Variants in KLHL14 observed in about 807,000 individuals in gnomAD.
KLHL14 encodes kelch-like protein 14.
In KLHL14, 22 loss-of-function variants were observed where a neutral mutation model predicts 64.3. The ratio of observed to expected loss-of-function variants is 0.34; its 90% CI spans 0.24 to 0.49. The LOEUF (loss-of-function observed/expected upper bound fraction) is 0.49, where lower values mean the gene tolerates loss of function less well. KLHL14 is among the 20% of genes least tolerant of loss of function. The pLI, the probability that KLHL14 is intolerant of heterozygous loss-of-function variation, is 0.99. For missense variants in KLHL14, 661 were observed against 789.0 expected (o/e 0.84, Z 1.94); for synonymous variants, 322 against 333.4 (o/e 0.97, Z 0.37).
At chr18:32,708,210 A>G (rs980790381) in intron 3 of KLHL14, among the ~76,000 whole-genome samples, 3 of 152,280 alleles carry the variant, frequency 2.0e-5, no homozygotes, top group Non-Finnish European at 2.9e-5. Flanking sequence ...CATGGCTCCA[A>G]TTTCCTCTGG....
chr18:32,688,647 T>C (rs1423338899), intron 4 of KLHL14, among the ~76,000 whole-genome samples: 2 of 152,124 alleles, frequency 1.3e-5, no homozygotes, highest in East Asian at 3.9e-4. Context: ...ACAGCAAGAA[T>C]GCTAGGGTAA....
At chr18:32,709,308 T>A (rs1483568835) in intron 3 of KLHL14, among the ~76,000 whole-genome samples, 1 of 152,192 alleles carries the variant, frequency 6.6e-6, no homozygotes, top group Non-Finnish European at 1.5e-5. Context: ...TTGAATATTC[T>A]CATGGTTCAC....
chr18:32,679,671 C>T (rs559086162), intron 7 of KLHL14, among the ~76,000 whole-genome samples: 2 of 152,150 alleles, frequency 1.3e-5, no homozygotes, highest in Admixed American at 1.3e-4. Context: ...ATTTGATAAT[C>T]ATAAGTGGCT....
At chr18:32,705,095 G>A (rs1230617707) in intron 3 of KLHL14, among the ~76,000 whole-genome samples, 1 of 152,206 alleles carries the variant, frequency 6.6e-6, no homozygotes, top group Non-Finnish European at 1.5e-5. Context: ...CACCTACTAA[G>A]TGCCAGGCCT....
intron 5 of KLHL14, among the ~76,000 whole-genome samples, chr18:32,684,838 T>A (rs959756508): frequency 1.3e-5 from 2 of 152,148 alleles, no homozygotes; most frequent in African/African-American, 4.8e-5. Context: ...TCTACACTGG[T>A]AACTGATTGT....
chr18:32,680,445 C>T lies in KLHL14; in HGVS notation c.1393G>A (p.Ala465Thr). The change falls in exon 6 of 9, where the codon GCG becomes ACG. Residue 465 changes from alanine (A) to threonine (T), a missense_variant. Coordinates refer to ENST00000359358, the MANE Select transcript of KLHL14 (RefSeq NM_020805.3). The surrounding 1 kb of genome is among the most constrained non-coding windows in gnomAD (Gnocchi z 4.8). ...ATTTTCCCATTGTGCACTGCTCCCGCATGAGCCGCCAGAGGCTGTGGCAAA... is the reference window on the plus strand; with the variant it reads ...ATTTTCCCATTGTGCACTGCTCCCGTATGAGCCGCCAGAGGCTGTGGCAAA... ...SSLPQPLAAH[A>T]GAVHNGKIYI... is the part of the protein sequence containing the mutation. The T allele has an allele frequency of 1.2e-6, 2 of 1,614,032 alleles. No homozygotes were observed. The highest frequency in any genetic ancestry group is 1.7e-6 in the Non-Finnish European group (2 of 1,179,912).
chr18:32,736,678 A>G (rs1458102220), intron 3 of KLHL14, among the ~76,000 whole-genome samples: 3 of 152,094 alleles, frequency 2.0e-5, no homozygotes, highest in Admixed American at 2.0e-4. Flanking sequence ...AGATTTTCCT[A>G]TAGATACACA....
chr18:32,693,413 C>G (rs28661063), intron 4 of KLHL14, among the ~76,000 whole-genome samples: 8,714 of 96,424 alleles, frequency 0.09, 485 homozygotes, highest in Middle Eastern at 0.13. Flanking sequence ...CACACACACA[C>G]AGAGAGAGAG....
chr18:32,726,961 G>A (rs9951538), intron 3 of KLHL14, among the ~76,000 whole-genome samples: 36,685 of 152,060 alleles, frequency 0.24, 4,632 homozygotes, highest in Middle Eastern at 0.32. Flanking sequence ...ATGGACTTCC[G>A]TTATCCACAG....
intron 3 of KLHL14, among the ~76,000 whole-genome samples, chr18:32,736,268 A>C (rs2050165588): frequency 6.6e-6 from 1 of 152,178 alleles, no homozygotes; most frequent in South Asian, 2.1e-4. Context: ...CCACTAATGC[A>C]CTGGTGCATG....
intron 7 of KLHL14, among the ~76,000 whole-genome samples, chr18:32,677,752 C>G (rs1232485948): frequency 1.3e-5 from 2 of 152,156 alleles, no homozygotes; most frequent in African/African-American, 4.8e-5. Context: ...GAGATAGTCC[C>G]TGTCCTCACT....
At chr18:32,772,108 G>GCCCGCCGC (rs2050391420) in intron 1 of KLHL14, 1 of 236,544 alleles carries the variant, frequency 4.2e-6, no homozygotes, top group African/African-American at 2.4e-5. Context: ...CGGCCCGCCG[G>GCCCGCCGC]CCCGCCGGCC....
chr18:32,754,842 A>G (rs761249716), intron 2 of KLHL14, among the ~76,000 whole-genome samples: 1 of 152,214 alleles, frequency 6.6e-6, no homozygotes, highest in Non-Finnish European at 1.5e-5. Flanking sequence ...TCAAGAAGGG[A>G]GTTTCAGTGG....
chr18:32,718,171 T>C (rs1238224809), intron 3 of KLHL14, among the ~76,000 whole-genome samples: 1 of 152,226 alleles, frequency 6.6e-6, no homozygotes, highest in Non-Finnish European at 1.5e-5. Flanking sequence ...AACACAGATT[T>C]AATTATGTTA....
At chr18:32,702,340 T>G (rs1277319227) in intron 3 of KLHL14, among the ~76,000 whole-genome samples, 4 of 139,968 alleles carry the variant, frequency 2.9e-5, no homozygotes, top group Non-Finnish European at 6.2e-5. Flanking sequence ...AGAGGTTTTT[T>G]GTTTTTTTTT....
intron 4 of KLHL14, 147 bp from the exon 5 acceptor site, chr18:32,687,380 G>C (rs953345041): frequency 1.6e-6 from 1 of 616,302 alleles, no homozygotes; most frequent in South Asian, 2.1e-5. Context: ...CGGGCGATGA[G>C]TCAATAGAAA....
intron 2 of KLHL14, among the ~76,000 whole-genome samples, chr18:32,763,504 A>G (rs1219593789): frequency 6.6e-6 from 1 of 152,172 alleles, no homozygotes; most frequent in African/African-American, 2.4e-5. Context: ...ACTCAACACT[A>G]TTCAGATAAT....
At chr18:32,723,296 G>T (rs2050089218) in intron 3 of KLHL14, among the ~76,000 whole-genome samples, 1 of 152,126 alleles carries the variant, frequency 6.6e-6, no homozygotes, top group Non-Finnish European at 1.5e-5. Flanking sequence ...GTGAATCCAA[G>T]GAAGCTGGCA....
At chr18:32,696,670 T>C (rs1306030474) in intron 3 of KLHL14, among the ~76,000 whole-genome samples, 1 of 152,216 alleles carries the variant, frequency 6.6e-6, no homozygotes, top group East Asian at 1.9e-4. Flanking sequence ...TCTTACTTTG[T>C]GCTCCTTTGC....
Sources: gnomAD v4.1 joint callset for allele counts (sites outside exome capture counted in the v4.1 genomes callset) on GRCh38, gnomAD v4.1.1 for gene constraint, Gnocchi (gnomAD v3.1) non-coding constraint, MANE v1.5 for transcripts, NCBI Gene and HGNC (gene_info 2026-07-23, HGNC 2026-07-21) for gene names.